SLC16A4: variants seen among roughly 807,000 people sequenced by gnomAD.
The protein encoded by SLC16A4 is solute carrier family 16 member 4.
Under a neutral mutation model 47.9 loss-of-function variants are expected in SLC16A4, and 39 were observed. The ratio of observed to expected loss-of-function variants is 0.81; its 90% CI spans 0.63 to 1.06. The LOEUF is 1.06. SLC16A4 is among the 50% of genes least tolerant of loss of function. The pLI, the probability that SLC16A4 is intolerant of heterozygous loss-of-function variation, is 0.00. For missense variants in SLC16A4, 524 were observed against 573.8 expected (o/e 0.91, Z 0.89); for synonymous variants, 189 against 199.9 (o/e 0.95, Z 0.46).
At chr1:110,385,313 T>C (rs759818800) in intron 2 of SLC16A4, among the ~76,000 whole-genome samples, 1 of 152,172 alleles carries the variant, frequency 6.6e-6, no homozygotes, top group Non-Finnish European at 1.5e-5. Context: ...GGAGGCGGCA[T>C]TGGGGATGAA....
intron 2 of SLC16A4, among the ~76,000 whole-genome samples, chr1:110,384,009 C>T (rs1015468469): frequency 7.2e-5 from 11 of 152,052 alleles, no homozygotes; most frequent in Non-Finnish European, 1.5e-4. Flanking sequence ...ATAACTGCAA[C>T]AGCAGTTCCA....
At chr1:110,385,169 T>C (rs1348191012) in intron 2 of SLC16A4, among the ~76,000 whole-genome samples, 2 of 152,162 alleles carry the variant, frequency 1.3e-5, no homozygotes, top group African/African-American at 2.4e-5. Context: ...TGCATACTTA[T>C]GGTGGTGTAG....
At chr1:110,367,321 C>T (rs2100984344) in intron 8 of SLC16A4, among the ~76,000 whole-genome samples, 1 of 152,130 alleles carries the variant, frequency 6.6e-6, no homozygotes, top group East Asian at 1.9e-4. Flanking sequence ...TGGTGAGACC[C>T]TATCTCTACA....
In SLC16A4 at chr1:110,363,829, G is replaced by A; in HGVS notation, c.1401C>T (p.Leu467=). The A allele has an allele frequency of 1.2e-6, 2 of 1,613,224 alleles. No individual in the cohort carries two copies. The highest frequency in any genetic ancestry group is 8.5e-7 in the Non-Finnish European group (1 of 1,179,652). The part of the protein sequence containing the change: ...GSFYFSGICY[L]LSSVSFFFVP... ...CAAAAAAAAAGGAAACTGAAGAGAG[G>A]AGATAGCATATGCCAGAGAAGTAGA... Residue 467 remains leucine (L), a synonymous_variant, in exon 9 of 9, where the codon CTC becomes CTT. Transcript: ENST00000369779.
chr1:110,378,308 T>C (rs1662129203), intron 6 of SLC16A4, among the ~76,000 whole-genome samples: 1 of 152,206 alleles, frequency 6.6e-6, no homozygotes, highest in South Asian at 2.1e-4. Context: ...TTCTAAACTC[T>C]ACATGCATTG....
chr1:110,376,467 C>T (rs757220363), intron 7 of SLC16A4, among the ~76,000 whole-genome samples: 3 of 152,080 alleles, frequency 2.0e-5, no homozygotes, highest in Non-Finnish European at 4.4e-5. Context: ...GAGGACTTTG[C>T]GTCAGTTTAG....
Position 110,381,050 on chromosome 1 carries a change from GA to G in SLC16A4, c.457del (p.Ser153LeufsTer5). On this transcript the variant is annotated frameshift_variant, in exon 5 of 9. Transcript: ENST00000369779. LOFTEE classifies it high-confidence loss of function. ...RLALSTAIAR[S>X]GMGLTFLLAP... The stretch of plus-strand genomic sequence containing the variant: ...CAAAAGAAAAGTCAGTCCCATCCCA[GA>G]ACGGGCAATAGCTGTAGAAAGAGCC... 6.2e-7 allele frequency: 1 copy of G among 1,614,058 alleles called. No individual in the cohort carries two copies. Among genetic ancestry groups the G allele is most frequent in the East Asian group, 2.2e-5 (1 of 44,878 alleles).
intron 8 of SLC16A4, among the ~76,000 whole-genome samples, chr1:110,374,386 T>C (rs1027335738): frequency 2.0e-5 from 3 of 152,186 alleles, no homozygotes; most frequent in Admixed American, 6.5e-5. Flanking sequence ...ATTATGAAAC[T>C]TAATTTTTTA....
rs949578659 is a variant in SLC16A4 at position 110,363,709 on chromosome 1, G to A, written c.*57C>T. 7 of 1,453,344 alleles carry A rather than the reference G, an allele frequency of 4.8e-6. No homozygotes were observed. Among genetic ancestry groups the A allele is most frequent in the Non-Finnish European group, 6.4e-6 (7 of 1,090,494 alleles). 90.0% of individuals were successfully genotyped at this position (1,453,344 alleles called of 1,614,324 possible). A position where few individuals can be genotyped will look rare whatever the true frequency, so the allele number is the denominator to read the frequency against. Reference sequence around the variant, plus strand: ...TTTCTTTCAAGCTTTTGTTTCCAATGACATTAGTTTAGGTTTTCTTTTGTT... The same window carrying A: ...TTTCTTTCAAGCTTTTGTTTCCAATAACATTAGTTTAGGTTTTCTTTTGTT... On this transcript the variant is annotated 3_prime_UTR_variant, in exon 9 of 9. Coordinates refer to ENST00000369779, the MANE Select transcript of SLC16A4 (RefSeq NM_004696.3).
At chr1:110,389,473 A>C in intron 1 of SLC16A4, 118 bp from the exon 2 acceptor site, 1 of 690,732 alleles carries the variant, frequency 1.4e-6, no homozygotes, top group Non-Finnish European at 2.5e-6. Flanking sequence ...TAGTTCAGCC[A>C]CTGTGCAACG....
Position 110,363,737 on chromosome 1 carries a change from G to C in SLC16A4, c.*29C>G. 1 of 1,573,814 alleles carries C rather than the reference G, an allele frequency of 6.4e-7. No homozygotes were observed. The highest frequency in any genetic ancestry group is 8.6e-7 in the Non-Finnish European group (1 of 1,164,848). On this transcript the variant is annotated 3_prime_UTR_variant, in exon 9 of 9. Transcript: ENST00000369779. ...ATTAGTTTAGGTTTTCTTTTGTTTA[G>C]CTCTCACTTGATTGCAGTCTTCTTT...
chr1:110,390,464 T>C (rs1301711154), intron 1 of SLC16A4, among the ~76,000 whole-genome samples: 3 of 152,168 alleles, frequency 2.0e-5, no homozygotes, highest in Non-Finnish European at 4.4e-5. Context: ...AAAGACAGTT[T>C]GTGGGGACAG....
At chr1:110,376,809 A>G (rs1662029814) in intron 7 of SLC16A4, 141 bp downstream of exon 7, 1 of 668,698 alleles carries the variant, frequency 1.5e-6, no homozygotes, top group Non-Finnish European at 2.5e-6. Context: ...ACTGGACAGG[A>G]TATAGCTGCA....
Position 110,378,904 on chromosome 1 carries a change from T to G in SLC16A4, c.979A>C (p.Lys327Gln). The stretch of plus-strand genomic sequence containing the variant: ...TCCATGATGTCAATCCCCAGTGTTT[T>G]GGCTCTGGCTACCAGGTGAAAGGTA... ...IPTFHLVARA[K>Q]TLGIDIMDAS... Residue 327 changes from lysine to glutamine, a missense_variant, in exon 6 of 9, where the codon AAA becomes CAA. Physicochemically the swap from Lys to Gln is moderately conservative, Grantham distance 53. Transcript: ENST00000369779. The G allele has an allele frequency of 6.2e-7, 1 of 1,614,170 alleles. No homozygotes were observed. Among genetic ancestry groups the G allele is most frequent in the Non-Finnish European group, 8.5e-7 (1 of 1,180,014 alleles).
chr1:110,375,639 C>A, intron 7 of SLC16A4, 88 bp from the exon 8 acceptor site: 1 of 735,652 alleles, frequency 1.4e-6, no homozygotes, highest in Non-Finnish European at 2.4e-6. Context: ...CTATTTATAT[C>A]ATCTCAAGCT....
At position 110,376,954 on chromosome 1, in the gene SLC16A4, A is replaced by G; in HGVS notation, c.1238T>C (p.Val413Ala). The part of the protein sequence containing the change: ...AGGYLALILP[V>A]LVDLCRNSTV... ...TTAATGAGTGTGTCTACTCACCAGT[A>G]CAGGCAGTATCAATGCCAGGTAACC... is the stretch of plus-strand genomic sequence containing the variant. Residue 413 changes from valine to alanine, a missense_variant, in exon 7 of 9, where the codon GTA (valine) becomes GCA (alanine). By Grantham distance (64) the Val-to-Ala change is moderately conservative (BLOSUM62 0). Coordinates refer to ENST00000369779, the MANE Select transcript of SLC16A4 (RefSeq NM_004696.3). 3 of 1,612,662 alleles carry G rather than the reference A, an allele frequency of 1.9e-6. No homozygotes were observed. The highest frequency in any genetic ancestry group is 2.5e-6 in the Non-Finnish European group (3 of 1,178,776).
At chr1:110,377,916 G>A (rs1318247819) in intron 6 of SLC16A4, among the ~76,000 whole-genome samples, 2 of 152,070 alleles carry the variant, frequency 1.3e-5, no homozygotes, top group African/African-American at 4.8e-5. Flanking sequence ...TGCAAGCTCC[G>A]CCTCCCGGGT....
chr1:110,386,951 G>A (rs1462955073), intron 2 of SLC16A4, among the ~76,000 whole-genome samples: 2 of 152,080 alleles, frequency 1.3e-5, no homozygotes, highest in African/African-American at 2.4e-5. Context: ...TCTCCTATTT[G>A]ACCTCTCAGT....
At chr1:110,380,707 G>A (rs1467802338) in intron 5 of SLC16A4, among the ~76,000 whole-genome samples, 2 of 152,238 alleles carry the variant, frequency 1.3e-5, no homozygotes, top group Admixed American at 1.3e-4. Context: ...CCAGCTGCAC[G>A]GAATGCCCTC....
Sources: allele counts gnomAD v4.1 joint callset (sites outside exome capture counted in the v4.1 genomes callset), GRCh38; gene constraint gnomAD v4.1.1; transcripts MANE v1.5; gene names NCBI Gene and HGNC (gene_info 2026-07-23, HGNC 2026-07-21).